The following GJB6 variants were observed in gnomAD, a reference collection of about 807,000 sequenced individuals.
GJB6 encodes the protein gap junction beta-6 protein.
A neutral mutation model predicts 5.4 loss-of-function variants in GJB6; 5 were observed. The ratio of observed to expected loss-of-function variants is 0.92; its 90% CI spans 0.48 to 1.93. GJB6 has a LOEUF of 1.93. Ranked by LOEUF, GJB6 falls within the 30% of genes most tolerant of loss-of-function variation. The pLI, the probability that GJB6 is intolerant of heterozygous loss-of-function variation, is 0.01. For synonymous variants in GJB6, 136 were observed against 129.6 expected, an observed-to-expected ratio of 1.05 and a Z score of -0.34; for missense variants, 298 against 326.9, an observed-to-expected ratio of 0.91 and a Z score of 0.68.
Position 20,222,878 on chromosome 13 carries a change from A to C in GJB6, c.603T>G (p.Ile201Met). The change falls in exon 5 of 5, where the codon ATT becomes ATG. Residue 201 changes from isoleucine (I) to methionine (M), a missense_variant. By Grantham distance (10) the Ile-to-Met change is conservative. Coordinates refer to ENST00000647029, the MANE Select transcript of GJB6 (RefSeq NM_001110219.3). The stretch of plus-strand genomic sequence containing the variant: ...ACTCTGCCACGTTAAGCAGCATGCA[A>C]ATCACAGACGCAGAAATCATAAAAA... The part of the protein sequence containing the change: ...FTIFMISASV[I>M]CMLLNVAELC... The C allele has an allele frequency of 6.2e-7, 1 of 1,614,176 alleles. No individual in the cohort carries two copies. Among genetic ancestry groups the C allele is most frequent in the Non-Finnish European group, 8.5e-7 (1 of 1,180,024 alleles).
intron 3 of GJB6, 43 bp from the exon 4 acceptor site, chr13:20,229,792 T>TCCCCCCCCCCC (rs56771888): frequency 8.9e-4 from 65 of 72,820 alleles, no homozygotes; most frequent in East Asian, 1.3e-3. Context: ...TTCCTTTAAC[T>TCCCCCCCCCCC]CCCCCCCCCC....
chr13:20,222,580 T>C lies in GJB6; in HGVS notation c.*115A>G, dbSNP rs1193436539. ...AAAAGTTAACTCAAGTGTCTATTTA[T>C]TATGAAAGTCATTTACAAACTCTTC... is the stretch of plus-strand genomic sequence containing the variant. On this transcript the variant is annotated 3_prime_UTR_variant, in exon 5 of 5. Coordinates refer to ENST00000647029, the MANE Select transcript of GJB6 (RefSeq NM_001110219.3). 2 of 845,546 alleles carry C rather than the reference T, an allele frequency of 2.4e-6. No individual in the cohort carries two copies. The highest frequency in any genetic ancestry group is 1.9e-5 in the Admixed American group (1 of 53,816). The allele number at this position is 845,546 out of a possible 1,614,324, so 52.4% of individuals were successfully genotyped here.
intron 4 of GJB6, among the ~76,000 whole-genome samples, chr13:20,227,589 G>C (rs373898552): frequency 1.5e-4 from 23 of 152,340 alleles, no homozygotes; most frequent in African/African-American, 5.3e-4. Flanking sequence ...AACTGAGACA[G>C]TGAGACAGTG....
Position 20,222,756 on chromosome 13 carries a change from T to C in GJB6, c.725A>G (p.Asn242Ser). The change falls in exon 5 of 5, where the codon AAT becomes AGT. Residue 242 changes from asparagine (N) to serine (S), a missense_variant. By Grantham distance (46) the Asn-to-Ser change is conservative (BLOSUM62 1). Transcript: ENST00000647029. ...ATCTGAAATCAGCTCATTCATTTCA[T>C]TCTGCTTACTCTCCTTTAGGGCATG... is the stretch of plus-strand genomic sequence containing the variant. ...PNHALKESKQ[N>S]EMNELISDSG... is the part of the protein sequence containing the mutation. The C allele has an allele frequency of 1.9e-6, 3 of 1,614,156 alleles. No individual in the cohort carries two copies. The highest frequency in any genetic ancestry group is 1.7e-6 in the Non-Finnish European group (2 of 1,179,982).
intron 4 of GJB6, among the ~76,000 whole-genome samples, chr13:20,229,378 G>T (rs187908818): frequency 1.9e-3 from 265 of 138,434 alleles, no homozygotes; most frequent in Non-Finnish European, 3.0e-3. Context: ...CCTTGGTCAG[G>T]CTGGTCTTGA....
At position 20,222,791 on chromosome 13, in the gene GJB6, A is replaced by G; in HGVS notation, c.690T>C (p.Asn230=). 6.2e-7 allele frequency: 1 copy of G among 1,613,920 alleles called. No homozygotes were observed. Among genetic ancestry groups the G allele is most frequent in the Non-Finnish European group, 8.5e-7 (1 of 1,179,862 alleles). The change falls in exon 5 of 5, where the codon AAT becomes AAC. Residue 230 remains asparagine, a synonymous_variant. Transcript: ENST00000647029. ...RRSKRAQTQK[N]HPNHALKESK... is the part of the protein sequence containing the mutation. ...TCTCCTTTAGGGCATGATTGGGGTG[A>G]TTTTTTTGCGTCTGTGCTCTCTTTG...
chr13:20,222,543 A>C lies in GJB6; in HGVS notation c.*152T>G. ...TGATTACGTTGTGTATGAATGGAGC[A>C]AGTATCCTACAAAAAGTTAACTCAA... On this transcript the variant is annotated 3_prime_UTR_variant, in exon 5 of 5. Coordinates refer to ENST00000647029, the MANE Select transcript of GJB6 (RefSeq NM_001110219.3). The C allele has an allele frequency of 1.5e-6, 1 of 672,492 alleles. No individual in the cohort carries two copies. The highest frequency in any genetic ancestry group is 1.7e-5 in the South Asian group (1 of 57,786). The allele number at this position is 672,492 out of a possible 1,614,324, so 41.7% of individuals were successfully genotyped here.
At position 20,228,471 on chromosome 13, in the gene GJB6, T is replaced by G. The variant is rs531534453; in HGVS notation, c.-16+1109A>C. ...GCTGTTTTTTCTTGTTTGTTTGTTT[T>G]TGTTTTTTGTTTTTGTTTTTTGTTT... is the stretch of plus-strand genomic sequence containing the variant. On this transcript the variant is annotated intron_variant, in intron 4 of 4. Coordinates refer to ENST00000647029, the MANE Select transcript of GJB6 (RefSeq NM_001110219.3). Among the ~76,000 whole-genome samples, 54 of 139,808 alleles carry G rather than the reference T, an allele frequency of 3.9e-4. 1 individual carries two copies. The highest frequency in any genetic ancestry group is 1.3e-3 in the African/African-American group (50 of 37,910). The allele number at this position is 139,808 out of a possible 152,430, so 91.7% of individuals were successfully genotyped here. A position where few individuals can be genotyped will look rare whatever the true frequency, so the allele number is the denominator to read the frequency against.
rs915612517 is a variant in GJB6, at chr13:20,222,357, AC to A, written c.*337del. On this transcript the variant is annotated 3_prime_UTR_variant, in exon 5 of 5. Coordinates refer to ENST00000647029, the MANE Select transcript of GJB6 (RefSeq NM_001110219.3). ...CTATAAAAATATCTTTTCCTAATAA[AC>A]GTATCAATTCCTGGATAAATGTTCC... 3.4e-5 allele frequency: 8 copies of A among 233,596 alleles called. No individual in the cohort carries two copies. Among genetic ancestry groups the A allele is most frequent in the African/African-American group, 1.6e-4 (7 of 43,866 alleles). The allele number at this position is 233,596 out of a possible 1,614,324, so 14.5% of individuals were successfully genotyped here.
Position 20,223,453 on chromosome 13 carries a change from T to G in GJB6, c.28A>C (p.Ile10Leu). The change falls in exon 5 of 5, where the codon ATC (isoleucine) becomes CTC (leucine). Residue 10 changes from isoleucine to leucine, a missense_variant. Transcript: ENST00000647029. ...GTGGAGTGTTTGTTGACACCCCCGA[T>G]GAAAGTGTGCAGCGTCCCCCAATCC... MDWGTLHTF[I>L]GGVNKHSTSI... 1 of 1,614,088 alleles carries G rather than the reference T, an allele frequency of 6.2e-7. No individual in the cohort carries two copies. Among genetic ancestry groups the G allele is most frequent in the Non-Finnish European group, 8.5e-7 (1 of 1,179,994 alleles).
rs1323655418 is a variant in GJB6, at chr13:20,222,818, TCTC to T, written c.660_662del (p.Arg221del). ...TTTTTTGCGTCTGTGCTCTCTTTGATCTCCTAAAACACACTTTCAGCAGCAGGT... is the reference window on the plus strand; with the variant it reads ...TTTTTTGCGTCTGTGCTCTCTTTGATCTAAAACACACTTTCAGCAGCAGGT... On this transcript the variant is annotated inframe_deletion, in exon 5 of 5. Transcript: ENST00000647029. 1.9e-6 allele frequency: 3 copies of T among 1,614,146 alleles called. No individual in the cohort carries two copies. The Admixed American group carries it at 5.0e-5, about 27-fold the overall frequency.
chr13:20,222,442 TA>T lies in GJB6; in HGVS notation c.*252del. 2.0e-6 allele frequency: 1 copy of T among 495,970 alleles called. No homozygotes were observed. Among genetic ancestry groups the T allele is most frequent in the Non-Finnish European group, 3.6e-6 (1 of 279,650 alleles). The allele number at this position is 495,970 out of a possible 1,614,324, so 30.7% of individuals were successfully genotyped here. ...TACCCACTTTGTCAGAGAGTCCACT[TA>T]AAAGGAACCTGTCAAAGTGACTGCA... On this transcript the variant is annotated 3_prime_UTR_variant, in exon 5 of 5. Transcript: ENST00000647029.
In GJB6 at chr13:20,229,315, ATTTTTTTT is replaced by A. The variant is rs60451416; in HGVS notation, c.-16+257_-16+264del. On this transcript the variant is annotated intron_variant, in intron 4 of 4. Coordinates refer to ENST00000647029, the MANE Select transcript of GJB6 (RefSeq NM_001110219.3). ...AGGCATATGCCACCATACCTGGTTA[ATTTTTTTT>A]TTTTTTTTTTTTTTTTTTTTTTTAG... Among the ~76,000 whole-genome samples, 487 of 55,312 alleles carry A rather than the reference ATTTTTTTT, an allele frequency of 8.8e-3. 5 individuals are homozygous for A. The highest frequency in any genetic ancestry group is 0.027 in the African/African-American group (426 of 15,876). The allele number at this position is 55,312 out of a possible 152,430, so 36.3% of individuals were successfully genotyped here. A position where few individuals can be genotyped will look rare whatever the true frequency, so the allele number is the denominator to read the frequency against.
At chr13:20,229,101 T>C (rs1166069871) in intron 4 of GJB6, among the ~76,000 whole-genome samples, 2 of 137,460 alleles carry the variant, frequency 1.5e-5, no homozygotes, top group African/African-American at 5.4e-5. Context: ...GATAGCTCTG[T>C]TCCCCTTTCA....
At chr13:20,228,756 T>C (rs555835338) in intron 4 of GJB6, among the ~76,000 whole-genome samples, 30 of 151,924 alleles carry the variant, frequency 2.0e-4, no homozygotes, top group Admixed American at 5.9e-4. Flanking sequence ...AGTGCTGGGA[T>C]TACAAGCATG....
chr13:20,228,689 T>G (rs112824776), intron 4 of GJB6, among the ~76,000 whole-genome samples: 1 of 38,498 alleles, frequency 2.6e-5, no homozygotes, highest in African/African-American at 5.0e-5. Context: ...TTTCACCGTG[T>G]TAGCCAGGAT....
intron 4 of GJB6, among the ~76,000 whole-genome samples, chr13:20,226,302 A>G (rs1018199178): frequency 2.0e-4 from 31 of 152,046 alleles, no homozygotes; most frequent in Non-Finnish European, 4.0e-4. Context: ...AAAAAAAAAA[A>G]AAAGAAAATT....
At chr13:20,228,718 T>A (rs535021940) in intron 4 of GJB6, among the ~76,000 whole-genome samples, 56 of 151,322 alleles carry the variant, frequency 3.7e-4, no homozygotes, top group Non-Finnish European at 6.1e-4. Flanking sequence ...TCTCCTGACC[T>A]CATGATCCGC....
chr13:20,226,191 T>C (rs1869565891), intron 4 of GJB6, among the ~76,000 whole-genome samples: 1 of 151,474 alleles, frequency 6.6e-6, no homozygotes, highest in South Asian at 2.1e-4. Flanking sequence ...CACAGGGCGG[T>C]GACCCTGGAA....
Sources: allele counts gnomAD v4.1 joint callset (sites outside exome capture counted in the v4.1 genomes callset), GRCh38; gene constraint gnomAD v4.1.1; transcripts MANE v1.5; gene names NCBI Gene and HGNC (gene_info 2026-07-23, HGNC 2026-07-21).